Variants in LRFN5 observed in about 807,000 individuals in gnomAD.
LRFN5 encodes leucine-rich repeat and fibronectin type-III domain-containing protein 5.
Under a neutral mutation model 45.6 loss-of-function variants are expected in LRFN5, and 24 were observed. That is an observed-to-expected ratio of 0.53 (90% CI 0.38 to 0.74). The LOEUF is 0.74. LRFN5 is among the 30% of genes least tolerant of loss of function. LRFN5 has a pLI of 0.00. For missense variants in LRFN5, 776 were observed against 861.5 expected (o/e 0.90, Z 1.24); for synonymous variants, 340 against 313.8 (o/e 1.08, Z -0.88).
intron 2 of LRFN5, among the ~76,000 whole-genome samples, chr14:41,846,742 A>T (rs116749408): frequency 5.3e-4 from 80 of 152,234 alleles, no homozygotes; most frequent in African/African-American, 1.9e-3. Flanking sequence ...TTTCTGTAGG[A>T]TGTAGAGCAG....
Position 41,668,058 on chromosome 14 carries a change from G to A in LRFN5, c.-197+59496G>A, listed in dbSNP as rs74045191. ...GTGCTTCAGCTCTCTCACTTATAAA[G>A]TGGAGGCAATAACAGTATCTTGCTT... is the stretch of plus-strand genomic sequence containing the variant. On this transcript the variant is annotated intron_variant, in intron 1 of 5. Transcript: ENST00000298119. Among the ~76,000 whole-genome samples the A allele has an allele frequency of 5.0e-3, 763 of 152,208 alleles. 4 individuals are homozygous for A. The highest frequency in any genetic ancestry group is 0.018 in the African/African-American group (740 of 41,546).
rs1890848328 is a variant in LRFN5, at chr14:41,893,463, AG to A, written c.2098+1502del. The stretch of plus-strand genomic sequence containing the variant: ...CTTTGCACAAAAGAAATGACATTTT[AG>A]CCATAATATCATAAGATAGGTACTT... On this transcript the variant is annotated intron_variant, in intron 4 of 5. Transcript: ENST00000298119. 5.1e-6 allele frequency: 5 copies of A among 984,822 alleles called. No individual in the cohort carries two copies. The Admixed American group carries it at 3.1e-4, about 61-fold the overall frequency. The allele number at this position is 984,822 out of a possible 1,614,324, so 61.0% of individuals were successfully genotyped here.
At chr14:41,763,749 T>C (rs2138874880) in intron 1 of LRFN5, among the ~76,000 whole-genome samples, 1 of 152,312 alleles carries the variant, frequency 6.6e-6, no homozygotes, top group Non-Finnish European at 1.5e-5. Context: ...CTGACATGAT[T>C]GTGAGGCCTC....
intron 1 of LRFN5, among the ~76,000 whole-genome samples, chr14:41,618,253 C>T (rs1887989813): frequency 6.6e-6 from 1 of 152,138 alleles, no homozygotes; most frequent in Non-Finnish European, 1.5e-5. Flanking sequence ...TTCAAAATGG[C>T]CGCAAATTCA....
chr14:41,762,585 A>G (rs1026562033), intron 1 of LRFN5, among the ~76,000 whole-genome samples: 4 of 152,162 alleles, frequency 2.6e-5, no homozygotes, highest in African/African-American at 9.6e-5. Flanking sequence ...CTGAATAATT[A>G]TGCTTTAACA....
chr14:41,673,952 C>T (rs1354304545), intron 1 of LRFN5, among the ~76,000 whole-genome samples: 1 of 146,590 alleles, frequency 6.8e-6, no homozygotes, highest in Non-Finnish European at 1.5e-5. Context: ...GGGGCTGACA[C>T]CCCCACCTCC....
chr14:41,836,672 G>A (rs74045469), intron 2 of LRFN5, among the ~76,000 whole-genome samples: 1,898 of 152,176 alleles, frequency 0.012, 38 homozygotes, highest in African/African-American at 0.043. Flanking sequence ...TAATTGACAC[G>A]ATCTTTGGCC....
chr14:41,686,100 A>G (rs904730025), intron 1 of LRFN5, among the ~76,000 whole-genome samples: 2 of 152,062 alleles, frequency 1.3e-5, no homozygotes, highest in Admixed American at 6.6e-5. Flanking sequence ...AGACATGAGG[A>G]TGGAATATTT....
At chr14:41,756,161 G>T (rs1217027738) in intron 1 of LRFN5, among the ~76,000 whole-genome samples, 1 of 152,124 alleles carries the variant, frequency 6.6e-6, no homozygotes, top group Non-Finnish European at 1.5e-5. Flanking sequence ...GCTTCCCTTT[G>T]TGGGTAAGCC....
intron 3 of LRFN5, among the ~76,000 whole-genome samples, chr14:41,888,889 A>C (rs961810378): frequency 6.6e-6 from 1 of 151,620 alleles, no homozygotes; most frequent in Non-Finnish European, 1.5e-5. Flanking sequence ...CTTTCATATA[A>C]TTTCACTTTG....
chr14:41,770,340 C>T (rs948259262), intron 2 of LRFN5, among the ~76,000 whole-genome samples: 2 of 152,160 alleles, frequency 1.3e-5, no homozygotes, highest in African/African-American at 4.8e-5. Flanking sequence ...ATACAATTAT[C>T]GCTTGCCAAT....
intron 3 of LRFN5, among the ~76,000 whole-genome samples, chr14:41,888,429 G>A (rs556099607): frequency 8.5e-5 from 13 of 152,170 alleles, no homozygotes; most frequent in African/African-American, 1.4e-4. Flanking sequence ...TAGAACCTTC[G>A]TCATACTATT....
At chr14:41,613,620 T>C (rs12101086) in intron 1 of LRFN5, among the ~76,000 whole-genome samples, 3,270 of 151,940 alleles carry the variant, frequency 0.022, 106 homozygotes, top group African/African-American at 0.071. Context: ...ATGGAATCTA[T>C]TTTAGATTTT....
chr14:41,681,796 T>TTTAA lies in LRFN5; in HGVS notation c.-197+73236_-197+73237insAATT, dbSNP rs1555354117. Among the ~76,000 whole-genome samples the TTTAA allele has an allele frequency of 1.0e-3, 102 of 98,938 alleles. 2 individuals are homozygous for TTTAA. The highest frequency in any genetic ancestry group is 3.8e-3 in the African/African-American group (84 of 22,024). 64.9% of individuals were successfully genotyped at this position (98,938 alleles called of 152,430 possible). A position where few individuals can be genotyped will look rare whatever the true frequency, so the allele number is the denominator to read the frequency against. On this transcript the variant is annotated intron_variant, in intron 1 of 5. Coordinates refer to ENST00000298119, the MANE Select transcript of LRFN5 (RefSeq NM_152447.5). ...TAAACTACTCTTTTATTTTATTTTA[T>TTTAA]TTTATTTATTTATTTATTTATTTAT...
At chr14:41,845,477 A>G (rs746360757) in intron 2 of LRFN5, among the ~76,000 whole-genome samples, 2 of 152,004 alleles carry the variant, frequency 1.3e-5, no homozygotes, top group Non-Finnish European at 2.9e-5. Flanking sequence ...AAACAAAAGC[A>G]TTTTTCATCC....
At chr14:41,770,992 C>A (rs752342039) in intron 2 of LRFN5, among the ~76,000 whole-genome samples, 3 of 151,912 alleles carry the variant, frequency 2.0e-5, no homozygotes, top group Non-Finnish European at 4.4e-5. Context: ...AAGCCCCCTT[C>A]ACGCTTGCAG....
intron 1 of LRFN5, among the ~76,000 whole-genome samples, chr14:41,614,273 G>A (rs764930495): frequency 2.6e-5 from 4 of 151,924 alleles, no homozygotes; most frequent in East Asian, 1.9e-4. Flanking sequence ...TTTATTTTAC[G>A]TGGATAGATA....
At chr14:41,743,159 A>T (rs1248271658) in intron 1 of LRFN5, among the ~76,000 whole-genome samples, 2 of 152,150 alleles carry the variant, frequency 1.3e-5, no homozygotes, top group Non-Finnish European at 2.9e-5. Flanking sequence ...TCCTTGCTTG[A>T]GGAAATTTTG....
chr14:41,819,379 A>G (rs1026234687), intron 2 of LRFN5, among the ~76,000 whole-genome samples: 2 of 152,098 alleles, frequency 1.3e-5, no homozygotes, highest in Non-Finnish European at 2.9e-5. Flanking sequence ...TCATATTAAC[A>G]TCTATTGATT....
Sources: allele counts gnomAD v4.1 joint callset (sites outside exome capture counted in the v4.1 genomes callset), GRCh38; gene constraint gnomAD v4.1.1; transcripts MANE v1.5; gene names NCBI Gene and HGNC (gene_info 2026-07-23, HGNC 2026-07-21).